Variants in COL2A1 observed in about 807,000 individuals in gnomAD.
The protein encoded by COL2A1 is collagen alpha-1(II) chain.
COL2A1 carries 28 observed loss-of-function variants against 204.5 expected under a neutral mutation model. The ratio of observed to expected loss-of-function variants is 0.14; its 90% CI spans 0.10 to 0.19. The LOEUF is 0.19. COL2A1 is among the 10% of genes least tolerant of loss of function. COL2A1 has a pLI of 1.00. For missense variants in COL2A1, 1,388 were observed against 2,027.5 expected (o/e 0.68, Z 6.06); for synonymous variants, 708 against 718.7 (o/e 0.99, Z 0.24).
intron 41 of COL2A1, 64 bp downstream of exon 41, chr12:47,979,447 G>A (rs963260563): frequency 1.3e-6 from 2 of 1,557,436 alleles, no homozygotes; most frequent in South Asian, 1.1e-5. Flanking sequence ...TCCAGACCCT[G>A]TTGGGTGCTG....
chr12:47,986,325 A>G lies in COL2A1; in HGVS notation c.1527+11T>C, dbSNP rs1427445362. ...AGGCCCCATGGGATGGAGCCTCCACATTCACTTAACTCTTTCTCCAGGGGG... is the reference window on the plus strand; with the variant it reads ...AGGCCCCATGGGATGGAGCCTCCACGTTCACTTAACTCTTTCTCCAGGGGG... On this transcript the variant is annotated intron_variant, in intron 23 of 53. Coordinates refer to ENST00000380518, the MANE Select transcript of COL2A1 (RefSeq NM_001844.5). 2.0e-6 allele frequency: 3 copies of G among 1,526,640 alleles called. No homozygotes were observed. The highest frequency in any genetic ancestry group is 2.7e-6 in the Non-Finnish European group (3 of 1,122,712). 94.6% of individuals were successfully genotyped at this position (1,526,640 alleles called of 1,614,324 possible).
In COL2A1 at chr12:47,983,085, A is replaced by G. The variant is rs759292387; in HGVS notation, c.2094+8T>C. The G allele has an allele frequency of 6.2e-7, 1 of 1,613,920 alleles. No individual in the cohort carries two copies. On this transcript the variant is annotated splice_region_variant and intron_variant, in intron 32 of 53. Transcript: ENST00000380518. The stretch of plus-strand genomic sequence containing the variant: ...GAGGCAGCCCGCATTGGCCAACAGG[A>G]TACTCACCCTGGGACCCACGAGGCC...
chr12:47,974,066 T>G lies in COL2A1; in HGVS notation c.4317+23A>C, dbSNP rs1337551263. 4 of 1,613,978 alleles carry G rather than the reference T, an allele frequency of 2.5e-6. No homozygotes were observed. In the African/African-American group the frequency reaches 5.3e-5, roughly 22 times the overall value. ...CAGGCGGTTTGGGCACAGGCAGCTCTTCTCTCTGGCAGCCCCACTCACCGT... is the reference window on the plus strand; with the variant it reads ...CAGGCGGTTTGGGCACAGGCAGCTCGTCTCTCTGGCAGCCCCACTCACCGT... On this transcript the variant is annotated intron_variant, in intron 53 of 53. Coordinates refer to ENST00000380518, the MANE Select transcript of COL2A1 (RefSeq NM_001844.5).
rs1192674738 is a variant in COL2A1, at chr12:47,995,694, C to A, written c.708+16G>T. 6.2e-7 allele frequency: 1 copy of A among 1,613,336 alleles called. No homozygotes were observed. The highest frequency in any genetic ancestry group is 8.5e-7 in the Non-Finnish European group (1 of 1,179,368). ...AGGCTCCCCCAGAGAAGGGACAGGGCCGTGCTGGTACTCACAGAGACACCA... is the reference window on the plus strand; with the variant it reads ...AGGCTCCCCCAGAGAAGGGACAGGGACGTGCTGGTACTCACAGAGACACCA... On this transcript the variant is annotated intron_variant, in intron 10 of 53. Transcript: ENST00000380518.
chr12:47,974,893 G>A (rs1409559997), intron 51 of COL2A1, 31 bp from the exon 52 acceptor site: 2 of 1,601,444 alleles, frequency 1.2e-6, no homozygotes, highest in Non-Finnish European at 1.7e-6. Flanking sequence ...ACCCATGGGG[G>A]CTCAGACAGG....
Position 47,978,735 on chromosome 12 carries a change from G to C in COL2A1, c.2757C>G (p.Pro919=). The C allele has an allele frequency of 6.2e-7, 1 of 1,612,996 alleles. No homozygotes were observed. Among genetic ancestry groups the C allele is most frequent in the Non-Finnish European group, 8.5e-7 (1 of 1,179,968 alleles). Residue 919 remains proline, a synonymous_variant, in exon 42 of 54, where the codon CCC becomes CCG. Transcript: ENST00000380518. The surrounding 1 kb of genome is among the most constrained non-coding windows in gnomAD (Gnocchi z 5.5). ...GACCATCTTTTCCAGAAGGACCAGG[G>C]GGACCAGGGGGTCCAGGGTTGCCCT... ...GSNGNPGPPG[P]PGPSGKDGPK...
At chr12:47,977,551 AG>A (rs1481628241) in intron 45 of COL2A1, 48 bp downstream of exon 45, 29 of 1,611,192 alleles carry the variant, frequency 1.8e-5, no homozygotes, top group Middle Eastern at 3.3e-4. Flanking sequence ...GTCAGGCCCG[AG>A]GCAATGTCCT....
Position 47,980,804 on chromosome 12 carries a change from G to A in COL2A1, c.2517+111C>T, listed in dbSNP as rs1457116785. On this transcript the variant is annotated intron_variant, in intron 38 of 53. Transcript: ENST00000380518. This position sits in a 1 kb window ranked among gnomAD's most constrained non-coding sequence, Gnocchi z 4.5. ...TTCTATTAGTATGGAGGCGGGAAAG[G>A]AGAGGAGAGGAGCATCCATTTCCCT... 1.4e-6 allele frequency: 2 copies of A among 1,413,956 alleles called. No individual in the cohort carries two copies. Among genetic ancestry groups the A allele is most frequent in the Non-Finnish European group, 2.0e-6 (2 of 1,021,650 alleles). 87.6% of individuals were successfully genotyped at this position (1,413,956 alleles called of 1,614,324 possible). A position where few individuals can be genotyped will look rare whatever the true frequency, so the allele number is the denominator to read the frequency against.
At chr12:47,977,838 G>A (rs746042284) in intron 44 of COL2A1, among the ~76,000 whole-genome samples, 172 bp downstream of exon 44, 9 of 152,084 alleles carry the variant, frequency 5.9e-5, no homozygotes, top group Admixed American at 1.3e-4. Flanking sequence ...CTCTATGCCC[G>A]TCTCTCTCCC....
At chr12:48,003,022 C>T (rs778387166) in intron 1 of COL2A1, 22 of 152,272 alleles carry the variant, frequency 1.4e-4, no homozygotes, top group Non-Finnish European at 2.9e-4. Context: ...AAGAGTTTCC[C>T]TCTGCGATTG....
At chr12:48,003,439 G>C (rs1341486488) in intron 1 of COL2A1, among the ~76,000 whole-genome samples, 1 of 152,110 alleles carries the variant, frequency 6.6e-6, no homozygotes, top group South Asian at 2.1e-4. Context: ...GCGGGGAAGG[G>C]GGCGCTATTT....
rs776493223 is a variant in COL2A1, at chr12:47,977,606, T to C, written c.3159A>G (p.Gly1053=). Residue 1053 remains glycine (G), a synonymous_variant, in exon 45 of 54, where the codon GGA becomes GGG. Transcript: ENST00000380518. ...DGPPGRDGAA[G]VKGDRGETGA... is the part of the protein sequence containing the mutation. ...ACAGACACCAGACACTCACCTTGAC[T>C]CCAGCAGCGCCATCTCTGCCAGGGG... The C allele has an allele frequency of 3.7e-6, 6 of 1,613,744 alleles. No individual in the cohort carries two copies. In the South Asian group the frequency reaches 4.4e-5, roughly 12 times the overall value.
At chr12:48,002,890 T>A (rs1940300678) in intron 1 of COL2A1, 1 of 152,216 alleles carries the variant, frequency 6.6e-6, no homozygotes, top group Non-Finnish European at 1.5e-5. Context: ...CTGCCCCCGC[T>A]GCGCTAATGA....
At chr12:47,982,454 T>C in intron 34 of COL2A1, 48 bp downstream of exon 34, 1 of 1,483,422 alleles carries the variant, frequency 6.7e-7, no homozygotes, top group African/African-American at 1.4e-5. Context: ...GGGGCAGGAA[T>C]GTGGCAAAGC....
chr12:47,982,671 T>C, intron 33 of COL2A1, 62 bp from the exon 34 acceptor site: 1 of 1,364,912 alleles, frequency 7.3e-7, no homozygotes, highest in Non-Finnish European at 1.0e-6. Flanking sequence ...CCCATGTTCA[T>C]GGAGCCTGGG....
upstream of COL2A1, chr12:48,004,633 C>T (rs1231616284): frequency 1.5e-5 from 4 of 259,570 alleles, no homozygotes; most frequent in Non-Finnish European, 2.9e-5. Context: ...CCCGCACCTG[C>T]CCAAGCCGGA....
Position 47,985,061 on chromosome 12 carries a change from A to T in COL2A1, c.1767T>A (p.Pro589=). 6.2e-7 allele frequency: 1 copy of T among 1,613,876 alleles called. No individual in the cohort carries two copies. The change falls in exon 27 of 54, where the codon CCT becomes CCA. Residue 589 remains proline (P), a synonymous_variant. Coordinates refer to ENST00000380518, the MANE Select transcript of COL2A1 (RefSeq NM_001844.5). The stretch of plus-strand genomic sequence containing the variant: ...GCCCACGAGCCCCCTGAGGACCTGG[A>T]GGTCCAGGACGACCATCTTCACCAG... ...GAPGEDGRPG[P]PGPQGARGQP... is the part of the protein sequence containing the mutation.
chr12:47,997,168 C>A (rs1354814960), intron 7 of COL2A1, among the ~76,000 whole-genome samples: 1 of 152,196 alleles, frequency 6.6e-6, no homozygotes, highest in African/African-American at 2.4e-5. Context: ...TGACTTTAGC[C>A]ACACACCTTC....
intron 2 of COL2A1, among the ~76,000 whole-genome samples, chr12:47,999,029 G>C (rs1940101803): frequency 6.6e-6 from 1 of 152,126 alleles, no homozygotes; most frequent in Non-Finnish European, 1.5e-5. Flanking sequence ...CCCTCAGAAA[G>C]GATCTGGGAA....
Sources: gnomAD v4.1 joint callset for allele counts (sites outside exome capture counted in the v4.1 genomes callset) on GRCh38, gnomAD v4.1.1 for gene constraint, Gnocchi (gnomAD v3.1) non-coding constraint, MANE v1.5 for transcripts, NCBI Gene and HGNC (gene_info 2026-07-23, HGNC 2026-07-21) for gene names.